The following BMP5 variants were observed in gnomAD, a reference collection of about 807,000 sequenced individuals.
BMP5 encodes bone morphogenetic protein 5.
BMP5 carries 23 observed loss-of-function variants against 46.6 expected under a neutral mutation model. That is an observed-to-expected ratio of 0.49 (90% CI 0.35 to 0.70). The LOEUF (loss-of-function observed/expected upper bound fraction) is 0.70, where lower values mean the gene tolerates loss of function less well. Ranked by LOEUF, BMP5 falls within the 30% of genes least tolerant of loss-of-function variation. The pLI, the probability that BMP5 is intolerant of heterozygous loss-of-function variation, is 0.00. For synonymous variants in BMP5, 204 were observed against 191.9 expected, an observed-to-expected ratio of 1.06 and a Z score of -0.52; for missense variants, 545 against 565.6, an observed-to-expected ratio of 0.96 and a Z score of 0.37.
chr6:55,776,517 T>A (rs1775176049), intron 3 of BMP5, among the ~76,000 whole-genome samples: 1 of 149,636 alleles, frequency 6.7e-6, no homozygotes, highest in Admixed American at 6.8e-5. Flanking sequence ...GTTCTTTAAA[T>A]TTTTTCATTT....
intron 3 of BMP5, among the ~76,000 whole-genome samples, chr6:55,778,233 CT>C (rs1775224723): frequency 6.6e-6 from 1 of 151,888 alleles, no homozygotes; most frequent in African/African-American, 2.4e-5. Flanking sequence ...GGGATGTGAT[CT>C]GCTAAATGGA....
At chr6:55,825,090 G>A (rs1582096240) in intron 1 of BMP5, among the ~76,000 whole-genome samples, 2 of 151,662 alleles carry the variant, frequency 1.3e-5, no homozygotes, top group African/African-American at 2.4e-5. Flanking sequence ...TGCCAACAGC[G>A]CTCTCTAAAA....
intron 1 of BMP5, among the ~76,000 whole-genome samples, chr6:55,861,358 AC>A (rs1156460859): frequency 8.6e-5 from 13 of 151,974 alleles, no homozygotes; most frequent in Admixed American, 4.6e-4. Context: ...ATACAATTAA[AC>A]TCACTAATAC....
chr6:55,789,529 T>C (rs1775526233), intron 3 of BMP5, among the ~76,000 whole-genome samples: 1 of 152,066 alleles, frequency 6.6e-6, no homozygotes, highest in Non-Finnish European at 1.5e-5. Context: ...ATCATTACTG[T>C]AGATTTATTA....
chr6:55,777,337 A>G lies in BMP5; in HGVS notation c.833-3094T>C, dbSNP rs140265811. On this transcript the variant is annotated intron_variant, in intron 3 of 6. Coordinates refer to ENST00000370830, the MANE Select transcript of BMP5 (RefSeq NM_021073.4). The stretch of plus-strand genomic sequence containing the variant: ...TAAATGATATTATTAAACATACAGT[A>G]TGTTTTAGATATTGCAAATATATAA... Among the ~76,000 whole-genome samples the G allele has an allele frequency of 5.2e-3, 788 of 152,114 alleles. 8 individuals are homozygous for G. Among genetic ancestry groups the G allele is most frequent in the South Asian group, 0.041 (198 of 4,826 alleles).
At chr6:55,854,974 G>A (rs1777350079) in intron 1 of BMP5, among the ~76,000 whole-genome samples, 1 of 151,912 alleles carries the variant, frequency 6.6e-6, no homozygotes, top group African/African-American at 2.4e-5. Context: ...TTTTAAAATA[G>A]TCTGGACCAA....
intron 2 of BMP5, among the ~76,000 whole-genome samples, chr6:55,795,734 A>G (rs1339345939): frequency 6.6e-6 from 1 of 152,196 alleles, no homozygotes; most frequent in Non-Finnish European, 1.5e-5. Context: ...TAAGGAAATA[A>G]TCTAAATATC....
chr6:55,835,894 A>T (rs1582105227), intron 1 of BMP5, among the ~76,000 whole-genome samples: 1 of 152,226 alleles, frequency 6.6e-6, no homozygotes, highest in South Asian at 2.1e-4. Context: ...TAAGAGATGA[A>T]TTTAAAGTTA....
At chr6:55,757,385 C>A (rs913701732) in intron 6 of BMP5, among the ~76,000 whole-genome samples, 3 of 151,950 alleles carry the variant, frequency 2.0e-5, no homozygotes, top group African/African-American at 7.2e-5. Context: ...TATGACCTTA[C>A]AGAAAGACAG....
intron 2 of BMP5, 33 bp downstream of exon 2, chr6:55,819,622 G>T: frequency 6.5e-7 from 1 of 1,533,068 alleles, no homozygotes; most frequent in East Asian, 2.3e-5. Context: ...ACATATATTT[G>T]CCAGGATAAT....
At chr6:55,784,482 C>T (rs959701108) in intron 3 of BMP5, among the ~76,000 whole-genome samples, 3 of 151,450 alleles carry the variant, frequency 2.0e-5, no homozygotes, top group Non-Finnish European at 4.4e-5. Flanking sequence ...TCATACAAGA[C>T]TAAATTAAGA....
chr6:55,760,881 T>C (rs1774758296), intron 4 of BMP5, among the ~76,000 whole-genome samples: 1 of 149,080 alleles, frequency 6.7e-6, no homozygotes, highest in African/African-American at 2.5e-5. Flanking sequence ...ACTCTAGGGG[T>C]ACTTAATATA....
intron 1 of BMP5, chr6:55,865,545 CAG>C (rs1777619513): frequency 8.8e-6 from 3 of 339,058 alleles, no homozygotes; most frequent in Admixed American, 8.1e-5. Context: ...AGTGGGGGAA[CAG>C]AGTCCATCAG....
chr6:55,802,034 A>G (rs1775861249), intron 2 of BMP5, among the ~76,000 whole-genome samples: 1 of 152,204 alleles, frequency 6.6e-6, no homozygotes, highest in Non-Finnish European at 1.5e-5. Flanking sequence ...AGTAACCAAT[A>G]TAGCAAGGAT....
intron 1 of BMP5, among the ~76,000 whole-genome samples, chr6:55,851,216 C>T (rs1334953019): frequency 6.6e-6 from 1 of 151,596 alleles, no homozygotes; most frequent in East Asian, 1.9e-4. Flanking sequence ...TTTCTTCTCC[C>T]CATTCTAAGC....
intron 5 of BMP5, 80 bp from the exon 6 acceptor site, chr6:55,759,195 A>T (rs1774701960): frequency 1.6e-5 from 13 of 798,692 alleles, no homozygotes; most frequent in Non-Finnish European, 2.5e-5. Flanking sequence ...AACAAGAAAA[A>T]ATATCACCAA....
intron 1 of BMP5, among the ~76,000 whole-genome samples, chr6:55,872,460 T>C (rs951763067): frequency 3.3e-5 from 5 of 151,660 alleles, no homozygotes; most frequent in African/African-American, 1.2e-4. Context: ...ACTAATAAAC[T>C]GCTATGTTAT....
intron 2 of BMP5, among the ~76,000 whole-genome samples, chr6:55,814,146 C>G (rs536086384): frequency 6.6e-6 from 1 of 151,846 alleles, no homozygotes; most frequent in East Asian, 1.9e-4. Context: ...CAAAACCTAC[C>G]GATTTATTTT....
At chr6:55,801,632 T>C (rs973697432) in intron 2 of BMP5, among the ~76,000 whole-genome samples, 1 of 152,234 alleles carries the variant, frequency 6.6e-6, no homozygotes, top group Non-Finnish European at 1.5e-5. Context: ...ATCTCTACCA[T>C]AAATCCTTGC....
Sources: allele counts gnomAD v4.1 joint callset (sites outside exome capture counted in the v4.1 genomes callset), GRCh38; gene constraint gnomAD v4.1.1; transcripts MANE v1.5; gene names NCBI Gene and HGNC (gene_info 2026-07-23, HGNC 2026-07-21).